Variants in SLC22A16 observed in about 807,000 individuals in gnomAD.
The protein encoded by SLC22A16 is solute carrier family 22 member 16.
In SLC22A16, 53 loss-of-function variants were observed where a neutral mutation model predicts 52.9. The observed-to-expected ratio is 1.00, with a 90% CI of 0.80 to 1.26. The LOEUF (loss-of-function observed/expected upper bound fraction) is 1.26, where lower values mean the gene tolerates loss of function less well. Among genes scored for constraint, SLC22A16 ranks in the 50% most tolerant of loss-of-function variants. The pLI is 0.00. For missense variants in SLC22A16, 726 were observed against 704.0 expected (o/e 1.03, Z -0.35); for synonymous variants, 291 against 268.8 (o/e 1.08, Z -0.81).
Position 110,425,072 on chromosome 6 carries a change from G to T in SLC22A16, c.1535C>A (p.Thr512Asn). The change falls in exon 8 of 8, where the codon ACT becomes AAT. Residue 512 changes from threonine (T) to asparagine (N), a missense_variant. Transcript: ENST00000368919. ...TAACACTCCACTCAGGAGGGCCATAGTCCCAACAAACAACTAGAAGGAATT... is the reference window on the plus strand; with the variant it reads ...TAACACTCCACTCAGGAGGGCCATATTCCCAACAAACAACTAGAAGGAATT... ...WIFIPQLFVG[T>N]MALLSGVLTL... The T allele has an allele frequency of 6.2e-7, 1 of 1,614,106 alleles. No individual in the cohort carries two copies. The highest frequency in any genetic ancestry group is 1.3e-5 in the African/African-American group (1 of 75,022).
At chr6:110,455,522 A>G (rs1303962850) in intron 2 of SLC22A16, 2 of 152,200 alleles carry the variant, frequency 1.3e-5, no homozygotes, top group Non-Finnish European at 2.9e-5. Flanking sequence ...AGTGCCCACC[A>G]TATGACTGTA....
At chr6:110,436,388 G>C (rs1471816584) in intron 5 of SLC22A16, among the ~76,000 whole-genome samples, 2 of 152,186 alleles carry the variant, frequency 1.3e-5, no homozygotes, top group Admixed American at 1.3e-4. Flanking sequence ...ACTTTAGGAG[G>C]CTGAGGCAGG....
intron 2 of SLC22A16, among the ~76,000 whole-genome samples, chr6:110,454,029 A>G (rs572308728): frequency 3.3e-5 from 5 of 152,338 alleles, no homozygotes; most frequent in African/African-American, 1.2e-4. Flanking sequence ...ACTCACTGCC[A>G]TGAGAACAGC....
chr6:110,427,482 G>A (rs1320371876), intron 7 of SLC22A16, among the ~76,000 whole-genome samples: 2 of 152,064 alleles, frequency 1.3e-5, no homozygotes, highest in Admixed American at 1.3e-4. Flanking sequence ...TACGCAAAAG[G>A]CACTTAGAAC....
At chr6:110,436,447 A>G (rs1490614158) in intron 5 of SLC22A16, among the ~76,000 whole-genome samples, 1 of 152,190 alleles carries the variant, frequency 6.6e-6, no homozygotes, top group African/African-American at 2.4e-5. Flanking sequence ...CAACATAGCA[A>G]GACCCCATTT....
intron 1 of SLC22A16, among the ~76,000 whole-genome samples, chr6:110,464,938 A>T (rs750439739): frequency 6.6e-6 from 1 of 152,120 alleles, no homozygotes; most frequent in Non-Finnish European, 1.5e-5. Flanking sequence ...AAGATAATCC[A>T]TCACAATCAG....
At chr6:110,454,740 A>T (rs1775543592) in intron 2 of SLC22A16, among the ~76,000 whole-genome samples, 1 of 73,632 alleles carries the variant, frequency 1.4e-5, no homozygotes, top group African/African-American at 5.7e-5. Flanking sequence ...TGTACATATA[A>T]TATATATATT....
intron 1 of SLC22A16, among the ~76,000 whole-genome samples, chr6:110,470,964 T>C (rs148961766): frequency 6.6e-6 from 1 of 152,240 alleles, no homozygotes; most frequent in East Asian, 1.9e-4. Flanking sequence ...AATAAACAGC[T>C]TGTGAGGGTG....
chr6:110,443,873 A>G (rs1438144669), intron 3 of SLC22A16, among the ~76,000 whole-genome samples: 1 of 152,240 alleles, frequency 6.6e-6, no homozygotes, highest in African/African-American at 2.4e-5. Flanking sequence ...CAAAAAGACA[A>G]CTATCATATG....
At chr6:110,427,809 T>C (rs1416746348) in intron 7 of SLC22A16, among the ~76,000 whole-genome samples, 1 of 152,232 alleles carries the variant, frequency 6.6e-6, no homozygotes. Flanking sequence ...AAGATGTTTC[T>C]TAATATTCCA....
intron 7 of SLC22A16, among the ~76,000 whole-genome samples, chr6:110,428,366 G>C (rs1295257071): frequency 6.6e-6 from 1 of 152,174 alleles, no homozygotes; most frequent in Non-Finnish European, 1.5e-5. Context: ...CTTAGAGAAG[G>C]GATGGGCCAC....
intron 6 of SLC22A16, 135 bp downstream of exon 6, chr6:110,435,717 C>A: frequency 1.6e-6 from 1 of 612,762 alleles, no homozygotes; most frequent in Non-Finnish European, 2.9e-6. Context: ...TGAGTATCAG[C>A]ATGTCATTTT....
At chr6:110,426,603 A>C (rs1002561787) in intron 7 of SLC22A16, among the ~76,000 whole-genome samples, 1 of 152,144 alleles carries the variant, frequency 6.6e-6, no homozygotes, top group African/African-American at 2.4e-5. Context: ...CCTCCTTCTC[A>C]CATATTTTTG....
chr6:110,474,405 T>G (rs916718), intron 1 of SLC22A16, among the ~76,000 whole-genome samples: 21,575 of 152,228 alleles, frequency 0.14, 3,966 homozygotes, highest in African/African-American at 0.43. Context: ...AAAGAATAGA[T>G]ACCAATTAGA....
In SLC22A16 at chr6:110,476,510, C is replaced by T. The variant is rs62421711; in HGVS notation, c.53+12G>A. ...GCCTCCCGCGTGGCGCCGCGGGGCC[C>T]CTCCCCCATACCTGCCGAAGTGCCC... On this transcript the variant is annotated intron_variant, in intron 1 of 7. Transcript: ENST00000368919. The T allele has an allele frequency of 6.9e-7, 1 of 1,450,370 alleles. No homozygotes were observed. Among genetic ancestry groups the T allele is most frequent in the Non-Finnish European group, 9.1e-7 (1 of 1,097,602 alleles). 89.8% of individuals were successfully genotyped at this position (1,450,370 alleles called of 1,614,324 possible). A position where few individuals can be genotyped will look rare whatever the true frequency, so the allele number is the denominator to read the frequency against.
chr6:110,440,605 C>T (rs910436024), intron 4 of SLC22A16, among the ~76,000 whole-genome samples: 1 of 152,174 alleles, frequency 6.6e-6, no homozygotes, highest in African/African-American at 2.4e-5. Context: ...TGGTGAAACC[C>T]TGTCTCTACT....
chr6:110,425,380 G>A (rs899890341), intron 7 of SLC22A16: 9 of 1,349,812 alleles, frequency 6.7e-6, no homozygotes, highest in Non-Finnish European at 8.8e-6. Context: ...GCTGTCCTAG[G>A]AGCTGTGGTC....
At chr6:110,473,683 C>T (rs1166696684) in intron 1 of SLC22A16, among the ~76,000 whole-genome samples, 1 of 141,908 alleles carries the variant, frequency 7.0e-6, no homozygotes, top group Non-Finnish European at 1.5e-5. Context: ...CGCCACCATG[C>T]CAGGCTCATT....
In SLC22A16 at chr6:110,435,216, G is replaced by T. The variant is rs75567371; in HGVS notation, c.1421+636C>A. ...ATCCCTAGTACTTTATGATGTAATG[G>T]TATTTGTAGATAAGGTCTTTAAAGA... On this transcript the variant is annotated intron_variant, in intron 6 of 7. Coordinates refer to ENST00000368919, the MANE Select transcript of SLC22A16 (RefSeq NM_033125.4). Among the ~76,000 whole-genome samples the T allele has an allele frequency of 5.5e-3, 837 of 152,260 alleles. 2 individuals are homozygous for T. The highest frequency in any genetic ancestry group is 0.02 in the Middle Eastern group (6 of 294).
Sources: gnomAD v4.1 joint callset for allele counts (sites outside exome capture counted in the v4.1 genomes callset) on GRCh38, gnomAD v4.1.1 for gene constraint, MANE v1.5 for transcripts, NCBI Gene and HGNC (gene_info 2026-07-23, HGNC 2026-07-21) for gene names.